PAPOLG: variants seen among roughly 807,000 people sequenced by gnomAD.
The protein encoded by PAPOLG is PAP-gamma.
A neutral mutation model predicts 99.0 loss-of-function variants in PAPOLG; 40 were observed. The observed-to-expected ratio is 0.40, with a 90% CI of 0.31 to 0.53. The LOEUF is 0.53. Among genes scored for constraint, PAPOLG ranks in the 20% least tolerant of loss-of-function variants. The pLI is 0.41. For missense variants in PAPOLG, 675 were observed against 884.1 expected (o/e 0.76, Z 3.00); for synonymous variants, 310 against 299.3 (o/e 1.04, Z -0.37).
chr2:60,795,259 T>C (rs530850920), intron 21 of PAPOLG: 1 of 628,026 alleles, frequency 1.6e-6, no homozygotes, highest in Non-Finnish European at 2.9e-6. Flanking sequence ...CTATTTAGAT[T>C]ATGTTCACCC....
chr2:60,780,912 C>A, intron 10 of PAPOLG, 133 bp downstream of exon 10: 1 of 697,270 alleles, frequency 1.4e-6, no homozygotes, highest in African/African-American at 1.8e-5. Context: ...CTTCCTCCTT[C>A]TGCTGTGGTT....
rs1379823632 is a variant in PAPOLG, at chr2:60,802,032, T to A, written c.*4872T>A. 1 of 152,360 alleles carries A rather than the reference T, an allele frequency of 6.6e-6. No individual in the cohort carries two copies. The highest frequency in any genetic ancestry group is 2.4e-5 in the African/African-American group (1 of 41,464). The allele number at this position is 152,360 out of a possible 1,614,324, so 9.4% of individuals were successfully genotyped here. A position where few individuals can be genotyped will look rare whatever the true frequency, so the allele number is the denominator to read the frequency against. On this transcript the variant is annotated 3_prime_UTR_variant, in exon 22 of 22. Coordinates refer to ENST00000238714, the MANE Select transcript of PAPOLG (RefSeq NM_022894.4). ...TTGTCTGATTTCTTAGTTGTACACATGAACCTCATTATTTGCCTGGAATAA... is the reference window on the plus strand; with the variant it reads ...TTGTCTGATTTCTTAGTTGTACACAAGAACCTCATTATTTGCCTGGAATAA...
intron 3 of PAPOLG, among the ~76,000 whole-genome samples, chr2:60,762,058 T>C (rs1011418369): frequency 6.6e-6 from 1 of 152,188 alleles, no homozygotes; most frequent in Non-Finnish European, 1.5e-5. Flanking sequence ...AATTTAAATA[T>C]CAGATTTTAC....
chr2:60,759,527 C>T (rs1160030629), intron 1 of PAPOLG, among the ~76,000 whole-genome samples: 1 of 152,034 alleles, frequency 6.6e-6, no homozygotes, highest in Non-Finnish European at 1.5e-5. Context: ...GTATGGGTAC[C>T]AGTCTAAAAT....
At position 60,760,189 on chromosome 2, in the gene PAPOLG, A is replaced by G. The variant is rs746728961; in HGVS notation, c.73A>G (p.Ile25Val). The change falls in exon 2 of 22, where the codon ATT (isoleucine) becomes GTT (valine). Residue 25 changes from isoleucine (I) to valine (V), a missense_variant. Coordinates refer to ENST00000238714, the MANE Select transcript of PAPOLG (RefSeq NM_022894.4). Reference sequence around the variant, plus strand: ...AAAGCATTATGGAATTACCTCCCCAATTAGTTTGGCATCTCCTAAAGAAAT... The same window carrying G: ...AAAGCATTATGGAATTACCTCCCCAGTTAGTTTGGCATCTCCTAAAGAAAT... ...QQKHYGITSPISLASPKEIDH... is the reference protein window; with the variant it reads ...QQKHYGITSPVSLASPKEIDH... 3.1e-6 allele frequency: 5 copies of G among 1,613,896 alleles called. No individual in the cohort carries two copies. Among genetic ancestry groups the G allele is most frequent in the Non-Finnish European group, 4.2e-6 (5 of 1,179,794 alleles).
chr2:60,795,213 T>G (rs1166817095), intron 21 of PAPOLG, 193 bp downstream of exon 21: 1 of 662,400 alleles, frequency 1.5e-6, no homozygotes, highest in Non-Finnish European at 2.7e-6. Context: ...CTCAAAAGTC[T>G]AAAAAAGAGG....
chr2:60,766,056 A>G (rs925393956), intron 3 of PAPOLG, among the ~76,000 whole-genome samples: 1 of 152,244 alleles, frequency 6.6e-6, no homozygotes, highest in Admixed American at 6.5e-5. Flanking sequence ...ATAATATCCT[A>G]TTATATAGAT....
At chr2:60,790,669 A>G (rs1423016807) in intron 15 of PAPOLG, among the ~76,000 whole-genome samples, 3 of 152,336 alleles carry the variant, frequency 2.0e-5, no homozygotes, top group East Asian at 1.9e-4. Context: ...CAACTGTACA[A>G]TAAGGATGTA....
At chr2:60,784,495 G>C (rs1187752417) in intron 13 of PAPOLG, among the ~76,000 whole-genome samples, 1 of 152,180 alleles carries the variant, frequency 6.6e-6, no homozygotes, top group Non-Finnish European at 1.5e-5. Context: ...CTATCAGACG[G>C]AAGCTGTTAG....
intron 17 of PAPOLG, among the ~76,000 whole-genome samples, chr2:60,792,595 G>A (rs753942237): frequency 6.6e-6 from 1 of 152,098 alleles, no homozygotes; most frequent in Non-Finnish European, 1.5e-5. Context: ...TAAAGTACAG[G>A]CCTGAGCCAA....
At chr2:60,788,398 T>G (rs1671431862) in intron 15 of PAPOLG, among the ~76,000 whole-genome samples, 1 of 152,160 alleles carries the variant, frequency 6.6e-6, no homozygotes, top group Non-Finnish European at 1.5e-5. Context: ...CTCAGCTCAC[T>G]GCAACCTCCA....
chr2:60,792,443 G>A (rs1158395620), intron 17 of PAPOLG, among the ~76,000 whole-genome samples, 154 bp downstream of exon 17: 1 of 152,184 alleles, frequency 6.6e-6, no homozygotes, highest in African/African-American at 2.4e-5. Flanking sequence ...GAAATAACTC[G>A]TGGTAATCCT....
At chr2:60,767,509 C>G (rs912722339) in intron 3 of PAPOLG, among the ~76,000 whole-genome samples, 2 of 152,006 alleles carry the variant, frequency 1.3e-5, no homozygotes, top group African/African-American at 4.8e-5. Flanking sequence ...CATTGTGTTG[C>G]TCAGGCTGGT....
intron 3 of PAPOLG, among the ~76,000 whole-genome samples, chr2:60,765,981 C>G (rs552888138): frequency 2.3e-3 from 343 of 152,208 alleles, no homozygotes; most frequent in African/African-American, 7.8e-3. Flanking sequence ...TAACTTCTTT[C>G]TAGCTATAAA....
In PAPOLG at chr2:60,760,284, A is replaced by G; in HGVS notation, c.168A>G (p.Glu56=). The G allele has an allele frequency of 6.2e-7, 1 of 1,612,242 alleles. No homozygotes were observed. Among genetic ancestry groups the G allele is most frequent in the Non-Finnish European group, 8.5e-7 (1 of 1,178,694 alleles). The change falls in exon 2 of 22, where the codon GAA becomes GAG. Residue 56 remains glutamate, a synonymous_variant. Transcript: ENST00000238714. Reference sequence around the variant, plus strand: ...TTGGAGTGTTTGAAGATGAGGAAGAATTGAACCACAGGTATGTCATTGAAA... The same window carrying G: ...TTGGAGTGTTTGAAGATGAGGAAGAGTTGAACCACAGGTATGTCATTGAAA... The part of the protein sequence containing the change: ...KPFGVFEDEE[E]LNHRLVVLGK...
rs1670377042 is a variant in PAPOLG at position 60,757,299 on chromosome 2, G to C, written c.17+804G>C. ...TTTTAAAAAGAAATCAAGCATTCCA[G>C]ATACATCTGAAGGACTCTCCTACCT... On this transcript the variant is annotated intron_variant, in intron 1 of 21. Coordinates refer to ENST00000238714, the MANE Select transcript of PAPOLG (RefSeq NM_022894.4). Among the ~76,000 whole-genome samples, 4 of 152,140 alleles carry C rather than the reference G, an allele frequency of 2.6e-5. No individual in the cohort carries two copies. In the South Asian group the frequency reaches 8.3e-4, roughly 31 times the overall value.
chr2:60,795,131 G>T, intron 21 of PAPOLG, 111 bp downstream of exon 21: 2 of 913,854 alleles, frequency 2.2e-6, no homozygotes, highest in Admixed American at 2.3e-5. Context: ...GTAAGATTTT[G>T]TCCCTGTCCC....
At chr2:60,773,716 A>G (rs1670926545) in intron 7 of PAPOLG, among the ~76,000 whole-genome samples, 1 of 149,110 alleles carries the variant, frequency 6.7e-6, no homozygotes, top group South Asian at 2.1e-4. Flanking sequence ...AAAAAAAACC[A>G]GCAGTCATTA....
chr2:60,778,980 C>G (rs1290827867), intron 8 of PAPOLG, among the ~76,000 whole-genome samples: 2 of 151,588 alleles, frequency 1.3e-5, no homozygotes, highest in Non-Finnish European at 2.9e-5. Flanking sequence ...CATAGCTACG[C>G]AAGAGGCTGA....
Sources: allele counts gnomAD v4.1 joint callset (sites outside exome capture counted in the v4.1 genomes callset), GRCh38; gene constraint gnomAD v4.1.1; transcripts MANE v1.5; gene names NCBI Gene and HGNC (gene_info 2026-07-23, HGNC 2026-07-21).